The following LDAH variants were observed in gnomAD, a reference collection of about 807,000 sequenced individuals.
LDAH encodes the protein lipid droplet associated hydrolase.
Under a neutral mutation model 29.6 loss-of-function variants are expected in LDAH, and 26 were observed. The observed-to-expected ratio is 0.88, with a 90% CI of 0.64 to 1.22. The LOEUF (loss-of-function observed/expected upper bound fraction) is 1.22, where lower values mean the gene tolerates loss of function less well. Ranked by LOEUF, LDAH falls within the 50% of genes most tolerant of loss-of-function variation. LDAH has a pLI of 0.00. For missense variants in LDAH, 344 were observed against 387.3 expected (o/e 0.89, Z 0.94); for synonymous variants, 117 against 133.0 (o/e 0.88, Z 0.83).
intron 1 of LDAH, among the ~76,000 whole-genome samples, chr2:20,804,523 GAATA>G (rs1671932026): frequency 6.6e-6 from 1 of 152,000 alleles, no homozygotes; most frequent in Admixed American, 6.5e-5. Context: ...CGATATTAAG[GAATA>G]ATTAAATAAA....
intron 5 of LDAH, among the ~76,000 whole-genome samples, chr2:20,706,928 T>A (rs1027518269): frequency 3.3e-5 from 5 of 152,220 alleles, no homozygotes; most frequent in Admixed American, 2.6e-4. Context: ...TAATTGTTTT[T>A]TATTGTCTTC....
In LDAH at chr2:20,801,156, C is replaced by T. The variant is rs534053010; in HGVS notation, c.154+154G>A. 1.2e-4 allele frequency: 84 copies of T among 693,476 alleles called. No individual in the cohort carries two copies. In the African/African-American group the frequency reaches 1.3e-3, roughly 11 times the overall value. 43.0% of individuals were successfully genotyped at this position (693,476 alleles called of 1,614,324 possible). A position where few individuals can be genotyped will look rare whatever the true frequency, so the allele number is the denominator to read the frequency against. ...ATAGAAGAAAAACACAAAATCCAGACGTCAAAATATTAAGGGTGGTTGTTA... is the reference window on the plus strand; with the variant it reads ...ATAGAAGAAAAACACAAAATCCAGATGTCAAAATATTAAGGGTGGTTGTTA... On this transcript the variant is annotated intron_variant, in intron 2 of 6. Transcript: ENST00000237822.
chr2:20,696,491 T>G (rs984439180), intron 6 of LDAH, among the ~76,000 whole-genome samples: 9 of 152,222 alleles, frequency 5.9e-5, no homozygotes, highest in Non-Finnish European at 1.2e-4. Context: ...GTGTTCTCTT[T>G]GGAGCAATTT....
Position 20,740,112 on chromosome 2 carries a change from A to G in LDAH, c.562T>C (p.Tyr188His). 21 of 1,614,176 alleles carry G rather than the reference A, an allele frequency of 1.3e-5. No individual in the cohort carries two copies. The highest frequency in any genetic ancestry group is 1.8e-5 in the Non-Finnish European group (21 of 1,180,002). Residue 188 changes from tyrosine to histidine, a missense_variant, in exon 5 of 7, where the codon TAT becomes CAT. Coordinates refer to ENST00000237822, the MANE Select transcript of LDAH (RefSeq NM_021925.4). ...IATPLLCWFRYVLYVTGYLLL... is the reference protein window; with the variant it reads ...IATPLLCWFRHVLYVTGYLLL... ...AAGTAGCCAGTAACATAGAGAACAT[A>G]TCGAAACCAGCACAAAAGTGGAGTG... is the stretch of plus-strand genomic sequence containing the variant.
chr2:20,805,376 C>T (rs1671992478), intron 1 of LDAH, among the ~76,000 whole-genome samples: 1 of 152,166 alleles, frequency 6.6e-6, no homozygotes, highest in African/African-American at 2.4e-5. Context: ...TTTTACTTCA[C>T]TCTCGTATTT....
At chr2:20,775,988 T>C (rs561831639) in intron 3 of LDAH, among the ~76,000 whole-genome samples, 2 of 152,326 alleles carry the variant, frequency 1.3e-5, no homozygotes, top group Admixed American at 6.5e-5. Flanking sequence ...CACTCTAATA[T>C]TCTACGAGTG....
rs544579335 is a variant in LDAH at position 20,757,969 on chromosome 2, G to A, written c.468+16841C>T. 2.0e-5 allele frequency among the ~76,000 whole-genome samples: 3 copies of A among 152,066 alleles called. No individual in the cohort carries two copies. In the South Asian group the frequency reaches 6.3e-4, roughly 32 times the overall value. The stretch of plus-strand genomic sequence containing the variant: ...TGCAGTTTGCTGACTACAGATCTTG[G>A]GATTTGTCAACCCCCATAAACATGT... On this transcript the variant is annotated intron_variant, in intron 4 of 6. Transcript: ENST00000237822.
chr2:20,762,755 C>G (rs1435405710), intron 4 of LDAH, among the ~76,000 whole-genome samples: 1 of 152,152 alleles, frequency 6.6e-6, no homozygotes, highest in African/African-American at 2.4e-5. Context: ...TGAATTTCTA[C>G]AAATTATTTA....
intron 2 of LDAH, among the ~76,000 whole-genome samples, chr2:20,792,894 A>G (rs758314439): frequency 3.1e-4 from 47 of 152,184 alleles, no homozygotes; most frequent in Non-Finnish European, 5.7e-4. Flanking sequence ...CATTCTGCAC[A>G]TGTATCCCAG....
At position 20,709,055 on chromosome 2, in the gene LDAH, T is replaced by C. The variant is rs374862157; in HGVS notation, c.704-7403A>G. On this transcript the variant is annotated intron_variant, in intron 5 of 6. Transcript: ENST00000237822. ...AGAAGATGTACAGGTTGAGTATCCCTAATGTAAAAACATAAAATCTGAAAT... is the reference window on the plus strand; with the variant it reads ...AGAAGATGTACAGGTTGAGTATCCCCAATGTAAAAACATAAAATCTGAAAT... Among the ~76,000 whole-genome samples the C allele has an allele frequency of 1.5e-3, 227 of 152,288 alleles. 4 individuals carry two copies. The South Asian group carries it at 0.043, about 29-fold the overall frequency.
chr2:20,811,342 CTA>C (rs1257674452), intron 1 of LDAH, among the ~76,000 whole-genome samples: 2 of 151,816 alleles, frequency 1.3e-5, no homozygotes, highest in Non-Finnish European at 2.9e-5. Flanking sequence ...ACTGATTTGA[CTA>C]TATTTCATTA....
At chr2:20,704,939 G>A (rs1194099850) in intron 5 of LDAH, among the ~76,000 whole-genome samples, 1 of 152,138 alleles carries the variant, frequency 6.6e-6, no homozygotes. Flanking sequence ...AATCTTGGAC[G>A]GGTTGCTCTC....
chr2:20,696,810 G>A (rs371657521), intron 6 of LDAH, among the ~76,000 whole-genome samples: 4 of 152,128 alleles, frequency 2.6e-5, no homozygotes, highest in African/African-American at 9.7e-5. Context: ...TGGGATTGGG[G>A]TGGCGAAAAC....
rs142296549 is a variant in LDAH at position 20,716,213 on chromosome 2, G to A, written c.704-14561C>T. Among the ~76,000 whole-genome samples, 943 of 152,178 alleles carry A rather than the reference G, an allele frequency of 6.2e-3. 11 individuals carry two copies. The highest frequency in any genetic ancestry group is 0.02 in the African/African-American group (835 of 41,544). ...AACTAGAAATACCATTTGATCCAGC[G>A]ATCCCATTACTGGGTAGATACCCAA... On this transcript the variant is annotated intron_variant, in intron 5 of 6. Coordinates refer to ENST00000237822, the MANE Select transcript of LDAH (RefSeq NM_021925.4).
At chr2:20,800,825 G>A (rs538882381) in intron 2 of LDAH, among the ~76,000 whole-genome samples, 1 of 151,960 alleles carries the variant, frequency 6.6e-6, no homozygotes, top group Admixed American at 6.6e-5. Context: ...GTAGAGATGG[G>A]GTTTCACCAT....
intron 5 of LDAH, among the ~76,000 whole-genome samples, chr2:20,702,090 T>G (rs1332713866): frequency 2.0e-5 from 3 of 151,944 alleles, no homozygotes; most frequent in Non-Finnish European, 4.4e-5. Context: ...ACTAAAAGGA[T>G]TATTTATCTT....
chr2:20,715,957 C>A (rs1665148203), intron 5 of LDAH, among the ~76,000 whole-genome samples: 1 of 152,132 alleles, frequency 6.6e-6, no homozygotes, highest in East Asian at 1.9e-4. Context: ...ATTTATGCAG[C>A]CAACAGACAC....
At chr2:20,794,782 T>C (rs1436138958) in intron 2 of LDAH, among the ~76,000 whole-genome samples, 1 of 152,208 alleles carries the variant, frequency 6.6e-6, no homozygotes, top group Non-Finnish European at 1.5e-5. Flanking sequence ...TAGTTCTCTG[T>C]ATCCAGTGGC....
At chr2:20,712,572 G>A (rs554022858) in intron 5 of LDAH, among the ~76,000 whole-genome samples, 1 of 152,250 alleles carries the variant, frequency 6.6e-6, no homozygotes, top group South Asian at 2.1e-4. Flanking sequence ...CTGAAGGTCG[G>A]TAATAACAAA....
Sources: gnomAD v4.1 joint callset for allele counts (sites outside exome capture counted in the v4.1 genomes callset) on GRCh38, gnomAD v4.1.1 for gene constraint, MANE v1.5 for transcripts, NCBI Gene and HGNC (gene_info 2026-07-23, HGNC 2026-07-21) for gene names.